Variants in KIF26B observed in about 807,000 individuals in gnomAD.
KIF26B encodes kinesin family member 26B.
In KIF26B, 63 loss-of-function variants were observed where a neutral mutation model predicts 151.2. The observed-to-expected ratio is 0.42, with a 90% CI of 0.34 to 0.51. The LOEUF is 0.51. Ranked by LOEUF, KIF26B falls within the 20% of genes least tolerant of loss-of-function variation. The pLI is 0.07. For synonymous variants in KIF26B, 1,357 were observed against 1,262.1 expected (o/e 1.08, Z -1.59); for missense variants, 2,813 against 2,913.6 (o/e 0.97, Z 0.79).
intron 2 of KIF26B, among the ~76,000 whole-genome samples, chr1:245,332,970 A>T (rs2102992077): frequency 6.6e-6 from 1 of 152,288 alleles, no homozygotes; most frequent in East Asian, 1.9e-4. Flanking sequence ...AATGTAGGGA[A>T]GGGGTGCCAA....
At chr1:245,603,820 C>A (rs1269396051) in intron 6 of KIF26B, among the ~76,000 whole-genome samples, 1 of 152,162 alleles carries the variant, frequency 6.6e-6, no homozygotes, top group African/African-American at 2.4e-5. Flanking sequence ...AGCTCCAAGT[C>A]ACATTGCAAG....
In KIF26B at chr1:245,403,091, C is replaced by G. The variant is rs74585770; in HGVS notation, c.1000-16488C>G. On this transcript the variant is annotated intron_variant, in intron 3 of 14. Coordinates refer to ENST00000407071, the MANE Select transcript of KIF26B (RefSeq NM_018012.4). ...TCAAATGATCCTCCTGCCTCAGCCT[C>G]CCCAGTAGCTGGGACTACAGGTGTG... Among the ~76,000 whole-genome samples, 10 of 152,254 alleles carry G rather than the reference C, an allele frequency of 6.6e-5. No individual in the cohort carries two copies. The East Asian group carries it at 1.5e-3, about 24-fold the overall frequency.
intron 4 of KIF26B, among the ~76,000 whole-genome samples, chr1:245,499,141 G>A (rs1428861094): frequency 6.6e-6 from 1 of 151,824 alleles, no homozygotes; most frequent in Middle Eastern, 3.2e-3. Flanking sequence ...TGTTACCTTC[G>A]CCCAAAGAGA....
At chr1:245,660,989 CTT>C (rs35859643) in intron 10 of KIF26B, among the ~76,000 whole-genome samples, 21 of 138,758 alleles carry the variant, frequency 1.5e-4, no homozygotes, top group African/African-American at 1.9e-4. Context: ...TTTCTTTTTT[CTT>C]TTTTTTTTTT....
intron 2 of KIF26B, among the ~76,000 whole-genome samples, chr1:245,291,750 C>T (rs1671255842): frequency 6.6e-6 from 1 of 152,190 alleles, no homozygotes; most frequent in African/African-American, 2.4e-5. Flanking sequence ...GGCATTTAAG[C>T]TGCGACCTAA....
At chr1:245,310,029 G>C (rs1671636778) in intron 2 of KIF26B, among the ~76,000 whole-genome samples, 1 of 147,400 alleles carries the variant, frequency 6.8e-6, no homozygotes, top group South Asian at 2.1e-4. Context: ...GAGGTCACGT[G>C]ATCTTAGGTA....
At chr1:245,590,316 G>C (rs983183034) in intron 5 of KIF26B, among the ~76,000 whole-genome samples, 1 of 152,274 alleles carries the variant, frequency 6.6e-6, no homozygotes, top group Non-Finnish European at 1.5e-5. Flanking sequence ...GGGCCCCGCG[G>C]GAGGGGACGG....
intron 2 of KIF26B, among the ~76,000 whole-genome samples, chr1:245,160,654 T>TA (rs562217613): frequency 0.034 from 4,903 of 144,906 alleles, 222 homozygotes; most frequent in African/African-American, 0.11. Flanking sequence ...ATCTTTTATG[T>TA]AAAAAAAAAA....
intron 5 of KIF26B, among the ~76,000 whole-genome samples, chr1:245,549,596 T>G (rs1167916920): frequency 6.6e-6 from 1 of 152,196 alleles, no homozygotes; most frequent in Non-Finnish European, 1.5e-5. Flanking sequence ...AAATATTTTA[T>G]GTTAAAAAAA....
At chr1:245,596,894 A>G (rs2043340743) in intron 5 of KIF26B, among the ~76,000 whole-genome samples, 1 of 151,842 alleles carries the variant, frequency 6.6e-6, no homozygotes, top group Admixed American at 6.6e-5. Flanking sequence ...GTAACGCCTT[A>G]ATTGTCTTTT....
intron 2 of KIF26B, among the ~76,000 whole-genome samples, chr1:245,364,920 G>A (rs571021215): frequency 3.9e-5 from 6 of 152,314 alleles, no homozygotes; most frequent in South Asian, 2.1e-4. Flanking sequence ...AATAAATCCC[G>A]TTTGAATGAA....
chr1:245,344,152 C>T (rs1232074861), intron 2 of KIF26B, among the ~76,000 whole-genome samples: 9 of 150,198 alleles, frequency 6.0e-5, no homozygotes, highest in Admixed American at 6.0e-4. Flanking sequence ...GTTTCTCTGT[C>T]TCTCCTTCCC....
chr1:245,688,461 G>T lies in KIF26B; in HGVS notation c.5478G>T (p.Gly1826=). 1 of 1,376,192 alleles carries T rather than the reference G, an allele frequency of 7.3e-7. No individual in the cohort carries two copies. Among genetic ancestry groups the T allele is most frequent in the Non-Finnish European group, 9.3e-7 (1 of 1,076,412 alleles). 85.2% of individuals were successfully genotyped at this position (1,376,192 alleles called of 1,614,324 possible). The change falls in exon 12 of 15, where the codon GGG becomes GGT. Residue 1826 remains glycine, a synonymous_variant. Transcript: ENST00000407071. ...AGARGLQLRA[G]PEAEARGGAL... Reference sequence around the variant, plus strand: ...CCCGGGGCTTGCAGCTGCGGGCCGGGCCCGAGGCGGAGGCGCGCGGGGGGG... The same window carrying T: ...CCCGGGGCTTGCAGCTGCGGGCCGGTCCCGAGGCGGAGGCGCGCGGGGGGG...
intron 3 of KIF26B, among the ~76,000 whole-genome samples, chr1:245,403,978 G>GA: frequency 6.6e-6 from 1 of 152,258 alleles, no homozygotes; most frequent in Middle Eastern, 3.4e-3. Flanking sequence ...TCTTTTTGGA[G>GA]ATGGCCTGAT....
In KIF26B at chr1:245,176,044, G is replaced by T. The variant is rs577484334; in HGVS notation, c.465+19361G>T. Among the ~76,000 whole-genome samples, 4 of 151,668 alleles carry T rather than the reference G, an allele frequency of 2.6e-5. No individual in the cohort carries two copies. The South Asian group carries it at 8.3e-4, about 32-fold the overall frequency. ...TTTTTTGAGACAGAGTCTCACTCTT[G>T]TTGCCCAGGCTGGGGAACGAGCTCA... On this transcript the variant is annotated intron_variant, in intron 2 of 14. Transcript: ENST00000407071.
At chr1:245,609,232 G>A in intron 7 of KIF26B, 34 bp from the exon 8 acceptor site, 1 of 1,562,546 alleles carries the variant, frequency 6.4e-7, no homozygotes, top group Non-Finnish European at 8.7e-7. Flanking sequence ...CCTGGACACT[G>A]AACCTGCTTT....
chr1:245,640,588 CCTTA>C (rs918015428), intron 9 of KIF26B, among the ~76,000 whole-genome samples: 2 of 151,968 alleles, frequency 1.3e-5, no homozygotes, highest in African/African-American at 4.8e-5. Context: ...TAGTGTACCT[CCTTA>C]CTTCCTTTCT....
intron 4 of KIF26B, among the ~76,000 whole-genome samples, chr1:245,492,565 G>A (rs1056712341): frequency 3.9e-5 from 6 of 152,196 alleles, no homozygotes; most frequent in Admixed American, 6.5e-5. Context: ...AAACAAAGGC[G>A]GCACGCCAGA....
chr1:245,678,674 C>T (rs61831274), intron 10 of KIF26B, among the ~76,000 whole-genome samples: 7,804 of 151,856 alleles, frequency 0.051, 236 homozygotes, highest in African/African-American at 0.071. Context: ...CCATCGTGGC[C>T]AACATGGTGA....
Sources: allele counts gnomAD v4.1 joint callset (sites outside exome capture counted in the v4.1 genomes callset), GRCh38; gene constraint gnomAD v4.1.1; transcripts MANE v1.5; gene names NCBI Gene and HGNC (gene_info 2026-07-23, HGNC 2026-07-21).